MROH9: variants seen among roughly 807,000 people sequenced by gnomAD.
MROH9 encodes the protein maestro heat like repeat family member 9.
MROH9 carries 92 observed loss-of-function variants against 98.2 expected under a neutral mutation model. The observed-to-expected ratio is 0.94, with a 90% CI of 0.79 to 1.11. MROH9 has a LOEUF of 1.11. Ranked by LOEUF, MROH9 falls within the 50% of genes most tolerant of loss-of-function variation. The pLI, the probability that MROH9 is intolerant of heterozygous loss-of-function variation, is 0.00. For missense variants in MROH9, 1,057 were observed against 1,014.8 expected, an observed-to-expected ratio of 1.04 and a Z score of -0.57; for synonymous variants, 397 against 368.9, an observed-to-expected ratio of 1.08 and a Z score of -0.87.
At chr1:170,977,359 C>T (rs1073393) in intron 8 of MROH9, among the ~76,000 whole-genome samples, 128,765 of 152,190 alleles carry the variant, frequency 0.85, 55,029 homozygotes, top group Middle Eastern at 0.99. Context: ...ATGAGGGTAT[C>T]CCTTTAACTG....
At chr1:170,995,573 C>G in intron 13 of MROH9, 42 bp downstream of exon 13, 1 of 1,605,406 alleles carries the variant, frequency 6.2e-7, no homozygotes, top group Non-Finnish European at 8.5e-7. Flanking sequence ...AAGAGATAAG[C>G]GTCCAGCTGT....
chr1:170,952,887 T>C (rs1187922603), intron 3 of MROH9, among the ~76,000 whole-genome samples: 1 of 151,990 alleles, frequency 6.6e-6, no homozygotes, highest in Non-Finnish European at 1.5e-5. Flanking sequence ...CACATCAAAT[T>C]ATAGCAGTGA....
At chr1:170,941,804 C>A (rs1557866272) in intron 1 of MROH9, among the ~76,000 whole-genome samples, 2 of 152,192 alleles carry the variant, frequency 1.3e-5, no homozygotes, top group African/African-American at 4.8e-5. Context: ...AAAGGTGTGT[C>A]TTCTGGACAC....
intron 15 of MROH9, among the ~76,000 whole-genome samples, chr1:171,002,969 G>C (rs1651831826): frequency 6.6e-6 from 1 of 151,930 alleles, no homozygotes; most frequent in Non-Finnish European, 1.5e-5. Context: ...TTTTGTCTTT[G>C]TTGGATTGGG....
At chr1:170,978,935 C>T (rs943920486) in intron 8 of MROH9, among the ~76,000 whole-genome samples, 50 of 152,156 alleles carry the variant, frequency 3.3e-4, no homozygotes, top group African/African-American at 1.1e-3. Flanking sequence ...GAGGTCTGTC[C>T]CAGGGAGTTG....
chr1:171,042,180 T>C (rs1180004099), intron 20 of MROH9, among the ~76,000 whole-genome samples: 1 of 152,094 alleles, frequency 6.6e-6, no homozygotes, highest in African/African-American at 2.4e-5. Context: ...CTACTCTCTA[T>C]GTCTGTGAGT....
chr1:170,955,058 C>T (rs1313805572), intron 3 of MROH9, among the ~76,000 whole-genome samples: 1 of 152,090 alleles, frequency 6.6e-6, no homozygotes, highest in African/African-American at 2.4e-5. Flanking sequence ...AGAGAACATA[C>T]GGTGTTTGGT....
chr1:171,035,810 T>C (rs1310272530), intron 20 of MROH9, among the ~76,000 whole-genome samples: 2 of 152,200 alleles, frequency 1.3e-5, no homozygotes, highest in African/African-American at 4.8e-5. Context: ...CTCTGTTATA[T>C]GCTGTTGGCG....
chr1:171,063,258 T>TA (rs1460485907), intron 21 of MROH9, among the ~76,000 whole-genome samples: 1 of 148,822 alleles, frequency 6.7e-6, no homozygotes, highest in African/African-American at 2.5e-5. Context: ...CCGGATTTTT[T>TA]TTTTTTTTTT....
chr1:170,938,145 C>T (rs1648973028), intron 1 of MROH9, among the ~76,000 whole-genome samples: 1 of 152,188 alleles, frequency 6.6e-6, no homozygotes, highest in Admixed American at 6.5e-5. Flanking sequence ...CCTTCTTAGC[C>T]TGTTGACTCA....
rs151216031 is a variant in MROH9 at position 171,044,454 on chromosome 1, T to A, written c.2282-17678T>A. ...CTGATGTGTATTTGTCTGGTTTTGA[T>A]ATCAGGGTAACACTAGCCTCACAGA... On this transcript the variant is annotated intron_variant, in intron 20 of 21. Coordinates refer to ENST00000367759, the MANE Select transcript of MROH9 (RefSeq NM_001163629.2). Among the ~76,000 whole-genome samples the A allele has an allele frequency of 2.4e-3, 369 of 152,296 alleles. 2 individuals carry two copies. The highest frequency in any genetic ancestry group is 8.6e-3 in the African/African-American group (358 of 41,568).
At chr1:171,032,201 C>T (rs2101849946) in intron 20 of MROH9, among the ~76,000 whole-genome samples, 1 of 152,274 alleles carries the variant, frequency 6.6e-6, no homozygotes, top group East Asian at 1.9e-4. Context: ...AAGTTCTTAG[C>T]TTCTTTGCAT....
At chr1:170,948,530 T>A (rs895580855) in intron 3 of MROH9, among the ~76,000 whole-genome samples, 5 of 152,082 alleles carry the variant, frequency 3.3e-5, no homozygotes, top group African/African-American at 1.2e-4. Flanking sequence ...AATCACTCAT[T>A]CATTTATTCA....
chr1:170,995,567 G>T lies in MROH9; in HGVS notation c.1337+36G>T, dbSNP rs1350904648. ...ACTGGTTATTTCAGATTAAATAAGA[G>T]ATAAGCGTCCAGCTGTCAATACTTC... is the stretch of plus-strand genomic sequence containing the variant. On this transcript the variant is annotated intron_variant, in intron 13 of 21. Transcript: ENST00000367759. 6 of 1,609,020 alleles carry T rather than the reference G, an allele frequency of 3.7e-6. No homozygotes were observed. The East Asian group carries it at 1.3e-4, about 36-fold the overall frequency.
chr1:171,064,201 C>A lies in MROH9; in HGVS notation c.2447C>A (p.Pro816His). 1 of 1,551,446 alleles carries A rather than the reference C, an allele frequency of 6.4e-7. No homozygotes were observed. The highest frequency in any genetic ancestry group is 1.4e-5 in the African/African-American group (1 of 73,110). ...KKKAHKLTSAPLKQNFQKLLK... is the reference protein window; with the variant it reads ...KKKAHKLTSAHLKQNFQKLLK... ...AAAGCCCATAAACTGACCTCTGCAC[C>A]TCTTAAACAAAACTTCCAAAAATTG... Residue 816 changes from proline to histidine, a missense_variant, in exon 22 of 22, where the codon CCT (proline) becomes CAT (histidine). By Grantham distance (77) the Pro-to-His change is moderately conservative. Transcript: ENST00000367759.
At chr1:170,989,732 G>A (rs1014986963) in intron 10 of MROH9, 123 bp from the exon 11 acceptor site, 25 of 784,758 alleles carry the variant, frequency 3.2e-5, no homozygotes, top group Non-Finnish European at 5.1e-5. Context: ...GTGCTTATCT[G>A]TATGTTAGTT....
chr1:170,963,278 G>A (rs896563187), intron 6 of MROH9, among the ~76,000 whole-genome samples: 1 of 152,052 alleles, frequency 6.6e-6, no homozygotes, highest in South Asian at 2.1e-4. Flanking sequence ...ACCACAATGA[G>A]ATACCAACTA....
chr1:171,023,847 A>C (rs1652602261), intron 17 of MROH9, among the ~76,000 whole-genome samples: 1 of 152,044 alleles, frequency 6.6e-6, no homozygotes, highest in Non-Finnish European at 1.5e-5. Context: ...AGATCTCTAG[A>C]ATTTATTCAT....
intron 8 of MROH9, among the ~76,000 whole-genome samples, chr1:170,981,303 A>G (rs911469179): frequency 6.6e-6 from 1 of 152,196 alleles, no homozygotes; most frequent in African/African-American, 2.4e-5. Flanking sequence ...ATAAAGACAT[A>G]TGCATACATA....
Sources: gnomAD v4.1 joint callset for allele counts (sites outside exome capture counted in the v4.1 genomes callset) on GRCh38, gnomAD v4.1.1 for gene constraint, MANE v1.5 for transcripts, NCBI Gene and HGNC (gene_info 2026-07-23, HGNC 2026-07-21) for gene names.